DPF3: variants seen among roughly 807,000 people sequenced by gnomAD.
The protein encoded by DPF3 is double PHD fingers 3.
In DPF3, 18 loss-of-function variants were observed where a neutral mutation model predicts 56.8. The observed-to-expected ratio is 0.32, with a 90% CI of 0.22 to 0.47. The LOEUF (loss-of-function observed/expected upper bound fraction) is 0.47. DPF3 is among the 20% of genes least tolerant of loss of function. The pLI is 1.00. For missense variants in DPF3, 403 were observed against 488.8 expected (o/e 0.82, Z 1.65); for synonymous variants, 188 against 180.2 (o/e 1.04, Z -0.35).
chr14:72,894,050 T>C lies in DPF3; in HGVS notation c.32+7A>G. ...GCGGAATATGTACATTTTTTAGTCTTACTTACGCTTTCAGGGGGTTGTGAA... is the reference window on the plus strand; with the variant it reads ...GCGGAATATGTACATTTTTTAGTCTCACTTACGCTTTCAGGGGGTTGTGAA... On this transcript the variant is annotated splice_region_variant and intron_variant, in intron 1 of 10. Transcript: ENST00000556509. The C allele has an allele frequency of 6.2e-7, 1 of 1,610,820 alleles. No individual in the cohort carries two copies. Among genetic ancestry groups the C allele is most frequent in the Non-Finnish European group, 8.5e-7 (1 of 1,178,846 alleles).
intron 7 of DPF3, among the ~76,000 whole-genome samples, chr14:72,680,442 G>T (rs1887112164): frequency 6.6e-6 from 1 of 152,252 alleles, no homozygotes; most frequent in African/African-American, 2.4e-5. Context: ...TGGAAGCCTG[G>T]CGGGGAAGCA....
Position 72,618,019 on chromosome 14 carries a change from C to T in DPF3, c.*1278G>A, listed in dbSNP as rs775147365. ...GGGCTATCTTCCAACACACAGAGTT[C>T]TCGGAAGCTCAGCCTCCCCACCTCT... On this transcript the variant is annotated 3_prime_UTR_variant, in exon 11 of 11. Coordinates refer to ENST00000556509, the MANE Select transcript of DPF3 (RefSeq NM_001280542.3). Among the ~76,000 whole-genome samples, 2 of 152,070 alleles carry T rather than the reference C, an allele frequency of 1.3e-5. No homozygotes were observed. The highest frequency in any genetic ancestry group is 4.8e-5 in the African/African-American group (2 of 41,414).
intron 1 of DPF3, among the ~76,000 whole-genome samples, chr14:72,840,883 A>G: frequency 6.6e-6 from 1 of 152,212 alleles, no homozygotes; most frequent in East Asian, 1.9e-4. Flanking sequence ...TGAACTCCTG[A>G]TTCAGCCACA....
chr14:72,677,899 A>C (rs1437430399), intron 7 of DPF3, among the ~76,000 whole-genome samples: 1 of 152,094 alleles, frequency 6.6e-6, no homozygotes, highest in African/African-American at 2.4e-5. Context: ...CATAGAAGAC[A>C]ATGATTCATT....
intron 2 of DPF3, among the ~76,000 whole-genome samples, chr14:72,770,199 C>A (rs149095646): frequency 3.3e-5 from 5 of 152,222 alleles, no homozygotes; most frequent in Admixed American, 3.3e-4. Context: ...AAAAATGGAA[C>A]CTGAATAAAT....
Position 72,731,932 on chromosome 14 carries a change from C to T in DPF3, c.304G>A (p.Val102Met). 1 of 1,579,908 alleles carries T rather than the reference C, an allele frequency of 6.3e-7. No individual in the cohort carries two copies. The highest frequency in any genetic ancestry group is 8.6e-7 in the Non-Finnish European group (1 of 1,162,802). ...KLRLLEIKPE[V>M]ELPLKKDGFT... is the part of the protein sequence containing the mutation. ...CCATCCTTCTTCAGGGGAAGCTCCA[C>T]TTCTGAAAAACAAAGATAGAAAGGC... The change falls in exon 4 of 11, where the codon GTG becomes ATG. Residue 102 changes from valine to methionine, a missense_variant and splice_region_variant. Physicochemically the swap from Val to Met is conservative, Grantham distance 21 (BLOSUM62 1). Coordinates refer to ENST00000556509, the MANE Select transcript of DPF3 (RefSeq NM_001280542.3).
At chr14:72,695,450 C>T (rs1191623822) in intron 6 of DPF3, among the ~76,000 whole-genome samples, 1 of 152,140 alleles carries the variant, frequency 6.6e-6, no homozygotes, top group Admixed American at 6.6e-5. Context: ...GTCTGAAATT[C>T]AAGTTGGTGA....
chr14:72,889,447 C>CT (rs1886667388), intron 1 of DPF3, among the ~76,000 whole-genome samples: 3 of 152,134 alleles, frequency 2.0e-5, no homozygotes, highest in Non-Finnish European at 1.5e-5. Context: ...TCCGAGGGTC[C>CT]TTTTTCATAA....
intron 1 of DPF3, chr14:72,774,010 C>T (rs540009211): frequency 4.4e-5 from 20 of 453,442 alleles, no homozygotes; most frequent in South Asian, 1.2e-4. Context: ...TCAGGCTGGG[C>T]GCAGTGGCTC....
At chr14:72,853,489 T>C (rs1206579875) in intron 1 of DPF3, among the ~76,000 whole-genome samples, 1 of 150,148 alleles carries the variant, frequency 6.7e-6, no homozygotes, top group Non-Finnish European at 1.5e-5. Flanking sequence ...TTTTTTTTTT[T>C]TTTGAGATAG....
intron 1 of DPF3, among the ~76,000 whole-genome samples, chr14:72,835,713 TACTC>T (rs1456230658): frequency 6.6e-6 from 1 of 152,096 alleles, no homozygotes; most frequent in Non-Finnish European, 1.5e-5. Context: ...CTCCCCTGGC[TACTC>T]ACTCTGTGCT....
intron 1 of DPF3, among the ~76,000 whole-genome samples, chr14:72,847,759 G>A (rs554015781): frequency 2.6e-5 from 4 of 152,154 alleles, no homozygotes; most frequent in African/African-American, 7.2e-5. Flanking sequence ...TGATCCACCC[G>A]CCTCAGCCTC....
At chr14:72,807,174 A>G (rs1187556471) in intron 1 of DPF3, among the ~76,000 whole-genome samples, 1 of 152,214 alleles carries the variant, frequency 6.6e-6, no homozygotes, top group Non-Finnish European at 1.5e-5. Flanking sequence ...TCACCTATTC[A>G]GGACACAAAC....
rs1364401753 is a variant in DPF3 at position 72,752,188 on chromosome 14, G to A, written c.301+1076C>T. Among the ~76,000 whole-genome samples, 3 of 152,292 alleles carry A rather than the reference G, an allele frequency of 2.0e-5. No individual in the cohort carries two copies. The East Asian group carries it at 5.8e-4, about 29-fold the overall frequency. ...TGCAATGCTGTGGTGACAGTGGGAG[G>A]AAGTATGTCAACTCTACTTGCACCA... On this transcript the variant is annotated intron_variant, in intron 3 of 10. Coordinates refer to ENST00000556509, the MANE Select transcript of DPF3 (RefSeq NM_001280542.3).
intron 6 of DPF3, among the ~76,000 whole-genome samples, chr14:72,701,719 T>C (rs1372125032): frequency 1.3e-5 from 2 of 152,202 alleles, no homozygotes; most frequent in Admixed American, 6.5e-5. Flanking sequence ...AGTGGGAATC[T>C]GAGCCAGTGG....
At chr14:72,623,862 C>A (rs1884626364) in intron 9 of DPF3, among the ~76,000 whole-genome samples, 1 of 152,044 alleles carries the variant, frequency 6.6e-6, no homozygotes, top group African/African-American at 2.4e-5. Flanking sequence ...AATTAGGAGT[C>A]CTGGGAGAAA....
At position 72,613,815 on chromosome 14, in the gene DPF3, C is replaced by T. The variant is rs1259170485; in HGVS notation, c.*5482G>A. On this transcript the variant is annotated 3_prime_UTR_variant, in exon 11 of 11. Coordinates refer to ENST00000556509, the MANE Select transcript of DPF3 (RefSeq NM_001280542.3). ...GCCTCTCTTCTAGCTGCCTGGGCTG[C>T]GCACATGGAGGGGGCGCCCGCCGCA... is the stretch of plus-strand genomic sequence containing the variant. 6.6e-6 allele frequency among the ~76,000 whole-genome samples: 1 copy of T among 152,196 alleles called. No homozygotes were observed. The highest frequency in any genetic ancestry group is 1.5e-5 in the Non-Finnish European group (1 of 68,030).
chr14:72,771,694 G>A lies in DPF3; in HGVS notation c.193+39C>T, dbSNP rs1189239551. 4 of 1,584,646 alleles carry A rather than the reference G, an allele frequency of 2.5e-6. No homozygotes were observed. In the South Asian group the frequency reaches 4.7e-5, roughly 19 times the overall value. On this transcript the variant is annotated intron_variant, in intron 2 of 10. Coordinates refer to ENST00000556509, the MANE Select transcript of DPF3 (RefSeq NM_001280542.3). ...CGGTCCTCCTCCCTCCAGGCTGGGA[G>A]CCTGCACATGCGCATGTCCCAGGAG...
intron 1 of DPF3, among the ~76,000 whole-genome samples, chr14:72,823,657 C>T (rs1483350208): frequency 6.6e-6 from 1 of 152,210 alleles, no homozygotes; most frequent in African/African-American, 2.4e-5. Context: ...TCTTGGCTTC[C>T]TCCCACTCCC....
Sources: allele counts gnomAD v4.1 joint callset (sites outside exome capture counted in the v4.1 genomes callset), GRCh38; gene constraint gnomAD v4.1.1; transcripts MANE v1.5; gene names NCBI Gene and HGNC (gene_info 2026-07-23, HGNC 2026-07-21).